The following CLRN2 variants were observed in gnomAD, a reference collection of about 807,000 sequenced individuals.
The protein encoded by CLRN2 is clarin 2, also known as clarin-2.
In CLRN2, 17 loss-of-function variants were observed where a neutral mutation model predicts 20.1. The ratio of observed to expected loss-of-function variants is 0.85; its 90% CI spans 0.58 to 1.27. The LOEUF (loss-of-function observed/expected upper bound fraction) is 1.27, where lower values mean the gene tolerates loss of function less well. Ranked by LOEUF, CLRN2 falls within the 50% of genes most tolerant of loss-of-function variation. The pLI is 0.00. For synonymous variants in CLRN2, 140 were observed against 126.9 expected (o/e 1.10, Z -0.70); for missense variants, 288 against 299.5 (o/e 0.96, Z 0.28).
At chr4:17,520,343 C>A (rs1018681419) in intron 1 of CLRN2, among the ~76,000 whole-genome samples, 1 of 152,112 alleles carries the variant, frequency 6.6e-6, no homozygotes, top group African/African-American at 2.4e-5. Flanking sequence ...GAATTATATA[C>A]ATTATGGACA....
At chr4:17,526,629 C>T (rs1407831558) in intron 2 of CLRN2, among the ~76,000 whole-genome samples, 188 bp from the exon 3 acceptor site, 2 of 152,170 alleles carry the variant, frequency 1.3e-5, no homozygotes, top group African/African-American at 2.4e-5. Context: ...TCTCTTTCCC[C>T]GCACAATCCT....
chr4:17,516,417 C>T (rs557388778), intron 1 of CLRN2, among the ~76,000 whole-genome samples: 7 of 152,324 alleles, frequency 4.6e-5, no homozygotes, highest in South Asian at 4.1e-4. Flanking sequence ...CGTAATTAAT[C>T]AATACCATGC....
Position 17,515,341 on chromosome 4 carries a change from C to T in CLRN2, c.75C>T (p.Ile25=), listed in dbSNP as rs1377131955. The stretch of plus-strand genomic sequence containing the variant: ...GCTTCTCCTCCTTCATCCTGATCAT[C>T]GTTGCCCTGGTAGTGCCCCACTGGC... The part of the protein sequence containing the change: ...LLSFSSFILI[I]VALVVPHWLS... The change falls in exon 1 of 3, where the codon ATC becomes ATT. Residue 25 remains isoleucine (I), a synonymous_variant. Coordinates refer to ENST00000511148, the MANE Select transcript of CLRN2 (RefSeq NM_001079827.2). The T allele has an allele frequency of 1.9e-6, 3 of 1,613,866 alleles. No homozygotes were observed. Among genetic ancestry groups the T allele is most frequent in the African/African-American group, 2.7e-5 (2 of 74,908 alleles).
chr4:17,519,872 T>C (rs1346620625), intron 1 of CLRN2, among the ~76,000 whole-genome samples: 1 of 152,162 alleles, frequency 6.6e-6, no homozygotes, highest in East Asian at 1.9e-4. Flanking sequence ...TTTCTTCTTT[T>C]TTAAAAAATA....
chr4:17,517,088 A>G (rs909062906), intron 1 of CLRN2, among the ~76,000 whole-genome samples: 3 of 152,198 alleles, frequency 2.0e-5, no homozygotes, highest in Non-Finnish European at 4.4e-5. Context: ...AATGGGCTTA[A>G]AGAACATACA....
chr4:17,522,304 A>T (rs577364997), intron 1 of CLRN2, among the ~76,000 whole-genome samples: 1 of 152,320 alleles, frequency 6.6e-6, no homozygotes, highest in African/African-American at 2.4e-5. Context: ...TATAACAGCA[A>T]TAACCACAGC....
intron 1 of CLRN2, among the ~76,000 whole-genome samples, chr4:17,517,539 G>T (rs1434794438): frequency 6.6e-6 from 1 of 152,150 alleles, no homozygotes; most frequent in Non-Finnish European, 1.5e-5. Flanking sequence ...GCTTCGAGTA[G>T]GAAGCTGCAA....
Position 17,522,612 on chromosome 4 carries a change from C to T in CLRN2, c.254-252C>T, listed in dbSNP as rs58721229. On this transcript the variant is annotated intron_variant, in intron 1 of 2. Coordinates refer to ENST00000511148, the MANE Select transcript of CLRN2 (RefSeq NM_001079827.2). Reference sequence around the variant, plus strand: ...TCCCAGAGCTTCAAGCTCAATGCAACTTAAATTGACAGCCAGGGCATATTT... The same window carrying T: ...TCCCAGAGCTTCAAGCTCAATGCAATTTAAATTGACAGCCAGGGCATATTT... Among the ~76,000 whole-genome samples the T allele has an allele frequency of 7.1e-4, 108 of 152,324 alleles. 2 individuals are homozygous for T. The East Asian group carries it at 0.018, about 25-fold the overall frequency.
chr4:17,522,728 C>T lies in CLRN2; in HGVS notation c.254-136C>T, dbSNP rs73800225. 3.9e-3 allele frequency: 3,180 copies of T among 812,806 alleles called. 83 individuals are homozygous for T. The African/African-American group carries it at 0.048, about 12-fold the overall frequency. 50.3% of individuals were successfully genotyped at this position (812,806 alleles called of 1,614,324 possible). ...CATGAGTTCATCTCAGAAAGTCTCC[C>T]GCTGTTTGAAATCCCCACGCTTGCT... On this transcript the variant is annotated intron_variant, in intron 1 of 2. Coordinates refer to ENST00000511148, the MANE Select transcript of CLRN2 (RefSeq NM_001079827.2).
intron 1 of CLRN2, among the ~76,000 whole-genome samples, chr4:17,519,483 C>T (rs1271275591): frequency 1.3e-5 from 2 of 152,230 alleles, no homozygotes; most frequent in African/African-American, 2.4e-5. Context: ...TTCACTTCTC[C>T]GAGCCTCAGT....
At chr4:17,519,052 G>T (rs1711769532) in intron 1 of CLRN2, among the ~76,000 whole-genome samples, 1 of 152,212 alleles carries the variant, frequency 6.6e-6, no homozygotes, top group Non-Finnish European at 1.5e-5. Context: ...TGCCTCACAG[G>T]TATTCCACTA....
chr4:17,520,858 A>T (rs1207351378), intron 1 of CLRN2, among the ~76,000 whole-genome samples: 2 of 152,134 alleles, frequency 1.3e-5, no homozygotes, highest in Non-Finnish European at 2.9e-5. Context: ...TCCCTGCTAA[A>T]AATGCAAAAA....
At chr4:17,520,390 T>A (rs576770817) in intron 1 of CLRN2, among the ~76,000 whole-genome samples, 3 of 152,388 alleles carry the variant, frequency 2.0e-5, no homozygotes, top group African/African-American at 4.8e-5. Flanking sequence ...ATTCACATAC[T>A]GTTTTTTCTC....
At chr4:17,525,509 G>A (rs1286880140) in intron 2 of CLRN2, among the ~76,000 whole-genome samples, 1 of 152,022 alleles carries the variant, frequency 6.6e-6, no homozygotes, top group Non-Finnish European at 1.5e-5. Context: ...AATTAGCCAA[G>A]CATGGTGGCA....
intron 2 of CLRN2, 30 bp from the exon 3 acceptor site, chr4:17,526,787 G>A (rs746263446): frequency 1.1e-5 from 18 of 1,609,568 alleles, no homozygotes; most frequent in South Asian, 2.2e-5. Context: ...AAAAGGAGCC[G>A]TGAATGAGGG....
At chr4:17,517,774 G>A (rs962390661) in intron 1 of CLRN2, among the ~76,000 whole-genome samples, 1 of 152,114 alleles carries the variant, frequency 6.6e-6, no homozygotes, top group African/African-American at 2.4e-5. Context: ...CTGCCCTGGG[G>A]TTGTCTCAGA....
chr4:17,518,148 G>T (rs1711728139), intron 1 of CLRN2, among the ~76,000 whole-genome samples: 1 of 152,008 alleles, frequency 6.6e-6, no homozygotes, highest in African/African-American at 2.4e-5. Context: ...GGATGGGGAG[G>T]TTTATTGGGT....
At chr4:17,523,844 G>A (rs1323147434) in intron 2 of CLRN2, among the ~76,000 whole-genome samples, 1 of 149,314 alleles carries the variant, frequency 6.7e-6, no homozygotes, top group East Asian at 2.0e-4. Context: ...TATTAATGCA[G>A]ACGTGGCTCA....
At position 17,515,356 on chromosome 4, in the gene CLRN2, G is replaced by GC; in HGVS notation, c.94dup (p.His32ProfsTer39). The GC allele has an allele frequency of 6.2e-7, 1 of 1,613,976 alleles. No individual in the cohort carries two copies. Among genetic ancestry groups the GC allele is most frequent in the Non-Finnish European group, 8.5e-7 (1 of 1,179,888 alleles). ...TCCTGATCATCGTTGCCCTGGTAGT[G>GC]CCCCACTGGCTGAGTGGGAAAATCC... On this transcript the variant is annotated frameshift_variant, in exon 1 of 3. Coordinates refer to ENST00000511148, the MANE Select transcript of CLRN2 (RefSeq NM_001079827.2). LOFTEE classifies it high-confidence loss of function.
Sources: gnomAD v4.1 joint callset for allele counts (sites outside exome capture counted in the v4.1 genomes callset) on GRCh38, gnomAD v4.1.1 for gene constraint, MANE v1.5 for transcripts, NCBI Gene and HGNC (gene_info 2026-07-23, HGNC 2026-07-21) for gene names.